DMRT1: variants seen among roughly 807,000 people sequenced by gnomAD.
The protein encoded by DMRT1 is doublesex and mab-3 related transcription factor 1, also known as doublesex- and mab-3-related transcription factor 1.
A neutral mutation model predicts 32.3 loss-of-function variants in DMRT1; 7 were observed. The observed-to-expected ratio is 0.22, with a 90% CI of 0.12 to 0.41. The LOEUF (loss-of-function observed/expected upper bound fraction) is 0.41, where lower values mean the gene tolerates loss of function less well. DMRT1 is among the 10% of genes least tolerant of loss of function. The pLI is 1.00. For missense variants in DMRT1, 625 were observed against 500.5 expected (o/e 1.25, Z -2.37); for synonymous variants, 278 against 206.1 (o/e 1.35, Z -2.99).
At chr9:939,894 G>T (rs1384742905) in intron 4 of DMRT1, among the ~76,000 whole-genome samples, 1 of 152,054 alleles carries the variant, frequency 6.6e-6, no homozygotes, top group Non-Finnish European at 1.5e-5. Context: ...TTAAAAATGG[G>T]CAAATGACTT....
intron 4 of DMRT1, among the ~76,000 whole-genome samples, chr9:956,572 A>AC (rs1336390506): frequency 7.7e-6 from 1 of 129,536 alleles, no homozygotes; most frequent in African/African-American, 2.6e-5. Flanking sequence ...TCAAAAAAAA[A>AC]AAAAACAAAA....
intron 4 of DMRT1, among the ~76,000 whole-genome samples, chr9:958,717 G>A (rs1200045134): frequency 6.6e-6 from 1 of 152,176 alleles, no homozygotes; most frequent in Non-Finnish European, 1.5e-5. Context: ...AGCTAAAGAT[G>A]CACATCCTAA....
chr9:900,807 CACG>C (rs1817544035), intron 3 of DMRT1, among the ~76,000 whole-genome samples: 1 of 151,768 alleles, frequency 6.6e-6, no homozygotes, highest in Non-Finnish European at 1.5e-5. Context: ...ATCTCAGTCT[CACG>C]AGTAGCTGGG....
intron 3 of DMRT1, among the ~76,000 whole-genome samples, chr9:908,937 C>T (rs766547491): frequency 1.3e-5 from 2 of 152,090 alleles, no homozygotes; most frequent in African/African-American, 4.8e-5. Context: ...CCACGCTTAG[C>T]ACAGCAGCTT....
intron 4 of DMRT1, among the ~76,000 whole-genome samples, chr9:958,091 G>A (rs1819657153): frequency 6.6e-6 from 1 of 152,130 alleles, no homozygotes; most frequent in South Asian, 2.1e-4. Flanking sequence ...AGAAACAGAA[G>A]GAAATAGTTG....
intron 4 of DMRT1, among the ~76,000 whole-genome samples, chr9:961,484 A>G (rs1232943234): frequency 6.6e-6 from 1 of 152,188 alleles, no homozygotes; most frequent in Non-Finnish European, 1.5e-5. Context: ...ATCGTGGGAT[A>G]ATAATGCTAT....
intron 4 of DMRT1, among the ~76,000 whole-genome samples, chr9:930,791 C>T (rs1193323781): frequency 6.7e-6 from 1 of 149,236 alleles, no homozygotes; most frequent in Non-Finnish European, 1.5e-5. Flanking sequence ...CGGCCTGTTT[C>T]AGCCTCCAAA....
intron 2 of DMRT1, among the ~76,000 whole-genome samples, chr9:849,011 T>A (rs1839026462): frequency 6.6e-6 from 1 of 150,700 alleles, no homozygotes; most frequent in Non-Finnish European, 1.5e-5. Flanking sequence ...AAATGGGATG[T>A]GTCACATGAG....
intron 2 of DMRT1, among the ~76,000 whole-genome samples, chr9:858,587 T>C (rs541132712): frequency 1.3e-5 from 2 of 152,230 alleles, no homozygotes; most frequent in East Asian, 3.9e-4. Flanking sequence ...AAATTTATCA[T>C]TTTAGGCTGG....
intron 2 of DMRT1, among the ~76,000 whole-genome samples, chr9:888,689 G>A (rs932018398): frequency 6.9e-6 from 1 of 144,766 alleles, no homozygotes; most frequent in Non-Finnish European, 1.5e-5. Context: ...TAGGAATAGC[G>A]TGTGGAGCAG....
intron 3 of DMRT1, among the ~76,000 whole-genome samples, chr9:911,779 A>T (rs2129743740): frequency 6.6e-6 from 1 of 152,254 alleles, no homozygotes; most frequent in South Asian, 2.1e-4. Flanking sequence ...GGCGTGAGCC[A>T]CCGCGCCCAT....
At chr9:879,581 A>G (rs976656421) in intron 2 of DMRT1, among the ~76,000 whole-genome samples, 5 of 152,168 alleles carry the variant, frequency 3.3e-5, no homozygotes, top group Non-Finnish European at 4.4e-5. Flanking sequence ...CTTTTACATC[A>G]TTGTCACTAT....
Position 902,298 on chromosome 9 carries a change from A to G in DMRT1, c.822+8103A>G, listed in dbSNP as rs114898167. 1.7e-3 allele frequency among the ~76,000 whole-genome samples: 252 copies of G among 150,072 alleles called. 2 individuals carry two copies. Among genetic ancestry groups the G allele is most frequent in the African/African-American group, 5.9e-3 (240 of 40,822 alleles). Reference sequence around the variant, plus strand: ...TTATTCAGCAATGTAAAAAGTTGATACCCGTTGTCTCTCGCCTCCTTCCTA... The same window carrying G: ...TTATTCAGCAATGTAAAAAGTTGATGCCCGTTGTCTCTCGCCTCCTTCCTA... On this transcript the variant is annotated intron_variant, in intron 3 of 4. Transcript: ENST00000382276.
At chr9:852,162 C>T (rs1423661777) in intron 2 of DMRT1, among the ~76,000 whole-genome samples, 1 of 151,888 alleles carries the variant, frequency 6.6e-6, no homozygotes, top group African/African-American at 2.4e-5. Context: ...GTCTTGAACT[C>T]TTGACCTCAA....
chr9:852,058 G>T (rs1304497054), intron 2 of DMRT1, among the ~76,000 whole-genome samples: 3 of 151,572 alleles, frequency 2.0e-5, no homozygotes, highest in Non-Finnish European at 4.4e-5. Context: ...TGGTGCCTGA[G>T]CCTCTTGAGT....
At chr9:938,173 C>G (rs1209811119) in intron 4 of DMRT1, among the ~76,000 whole-genome samples, 2 of 152,122 alleles carry the variant, frequency 1.3e-5, no homozygotes, top group Non-Finnish European at 2.9e-5. Context: ...GTTTATATTG[C>G]AGCTTTTGTA....
intron 2 of DMRT1, among the ~76,000 whole-genome samples, chr9:864,326 G>A (rs1815864930): frequency 1.4e-5 from 2 of 147,630 alleles, no homozygotes; most frequent in South Asian, 2.2e-4. Context: ...ACTTCAGCCT[G>A]CCGAGTAGCT....
At chr9:959,502 G>T (rs553828679) in intron 4 of DMRT1, among the ~76,000 whole-genome samples, 19 of 152,200 alleles carry the variant, frequency 1.2e-4, no homozygotes, top group African/African-American at 4.6e-4. Flanking sequence ...TCCTTAAACT[G>T]GTTTTATTGT....
chr9:938,529 A>T (rs1306718736), intron 4 of DMRT1, among the ~76,000 whole-genome samples: 1 of 152,160 alleles, frequency 6.6e-6, no homozygotes, highest in East Asian at 1.9e-4. Context: ...TTTTGATGGT[A>T]TTGTAAATAG....
Sources: allele counts gnomAD v4.1 joint callset (sites outside exome capture counted in the v4.1 genomes callset), GRCh38; gene constraint gnomAD v4.1.1; transcripts MANE v1.5; gene names NCBI Gene and HGNC (gene_info 2026-07-23, HGNC 2026-07-21).